Variants in AOPEP observed in about 807,000 individuals in gnomAD.
AOPEP encodes the protein aminopeptidase O.
In AOPEP, 77 loss-of-function variants were observed where a neutral mutation model predicts 98.1. That is an observed-to-expected ratio of 0.78 (90% CI 0.65 to 0.95). The LOEUF (loss-of-function observed/expected upper bound fraction) is 0.95, where lower values mean the gene tolerates loss of function less well. Ranked by LOEUF, AOPEP falls within the 40% of genes least tolerant of loss-of-function variation. The probability of loss-of-function intolerance (pLI) is 0.00; values close to 1 mark genes in which losing one functional copy is unlikely to be tolerated. For synonymous variants in AOPEP, 346 were observed against 365.3 expected, an observed-to-expected ratio of 0.95 and a Z score of 0.60; for missense variants, 1,024 against 1,024.7, an observed-to-expected ratio of 1.00 and a Z score of 0.01.
rs918230873 is a variant in AOPEP at position 95,087,146 on chromosome 9, ATT to A, written c.*478_*479del. Reference sequence around the variant, plus strand: ...GATATATTATTAATAAATGTAATGGATTTTTTTTTTGTATACGTGTTTGCTTC... The same window carrying A: ...GATATATTATTAATAAATGTAATGGATTTTTTTTGTATACGTGTTTGCTTC... On this transcript the variant is annotated 3_prime_UTR_variant, in exon 17 of 17. Transcript: ENST00000375315. 3 of 160,756 alleles carry A rather than the reference ATT, an allele frequency of 1.9e-5. No individual in the cohort carries two copies. The highest frequency in any genetic ancestry group is 7.3e-5 in the African/African-American group (3 of 41,008). The allele number at this position is 160,756 out of a possible 1,614,324, so 10.0% of individuals were successfully genotyped here.
intron 5 of AOPEP, among the ~76,000 whole-genome samples, chr9:94,830,025 A>C (rs916221316): frequency 6.6e-6 from 1 of 152,130 alleles, no homozygotes; most frequent in Admixed American, 6.6e-5. Context: ...TTTATTATTT[A>C]TTTATTTATG....
At chr9:95,058,993 C>T (rs1214835040) in intron 13 of AOPEP, among the ~76,000 whole-genome samples, 1 of 152,210 alleles carries the variant, frequency 6.6e-6, no homozygotes, top group Non-Finnish European at 1.5e-5. Flanking sequence ...CCCACATGCA[C>T]CCGGCAGTGT....
rs1285643372 is a variant in AOPEP, at chr9:94,930,788, A to T, written c.1661+2257A>T. On this transcript the variant is annotated intron_variant, in intron 7 of 16. Transcript: ENST00000375315. The surrounding 1 kb of genome is among the most constrained non-coding windows in gnomAD (Gnocchi z 4.5). ...CAGGCTGAAGTGGACAGGAGCATGGATGGGAAGTCAGGAAGCGGGGCTGGT... is the reference window on the plus strand; with the variant it reads ...CAGGCTGAAGTGGACAGGAGCATGGTTGGGAAGTCAGGAAGCGGGGCTGGT... Among the ~76,000 whole-genome samples the T allele has an allele frequency of 6.6e-6, 1 of 152,074 alleles. No individual in the cohort carries two copies. Among genetic ancestry groups the T allele is most frequent in the Non-Finnish European group, 1.5e-5 (1 of 67,998 alleles).
At chr9:94,777,748 C>T (rs937820361) in intron 3 of AOPEP, among the ~76,000 whole-genome samples, 4 of 149,324 alleles carry the variant, frequency 2.7e-5, no homozygotes, top group African/African-American at 5.0e-5. Context: ...ATTCTCTCAC[C>T]GAGCAGCTGG....
intron 5 of AOPEP, among the ~76,000 whole-genome samples, chr9:94,843,183 A>C (rs2134893293): frequency 6.6e-6 from 1 of 152,262 alleles, no homozygotes; most frequent in South Asian, 2.1e-4. Flanking sequence ...TCTCCCATCC[A>C]GATTCCTCCG....
chr9:95,150,162 C>A, the AOPEP span: 1 of 1,520,260 alleles, frequency 6.6e-7, no homozygotes, highest in South Asian at 1.2e-5. Context: ...AACCTTCATG[C>A]TAAAAAGGTC....
intron 13 of AOPEP, among the ~76,000 whole-genome samples, chr9:95,044,282 A>T (rs892752186): frequency 2.0e-5 from 3 of 151,768 alleles, no homozygotes; most frequent in African/African-American, 7.3e-5. Context: ...TATTTTCATC[A>T]TTTAGTTGCT....
At chr9:94,815,442 T>C (rs1286823192) in intron 5 of AOPEP, among the ~76,000 whole-genome samples, 2 of 152,212 alleles carry the variant, frequency 1.3e-5, no homozygotes, top group African/African-American at 2.4e-5. Context: ...ATATTCTTAG[T>C]TGCCATGTCA....
chr9:95,010,358 G>A (rs2062405939), intron 13 of AOPEP, among the ~76,000 whole-genome samples: 1 of 152,190 alleles, frequency 6.6e-6, no homozygotes, highest in Non-Finnish European at 1.5e-5. Flanking sequence ...AACAACAGAT[G>A]GTGACTGTGG....
intron 1 of AOPEP, among the ~76,000 whole-genome samples, chr9:94,755,348 C>T (rs1029347691): frequency 6.6e-6 from 1 of 152,198 alleles, no homozygotes; most frequent in Non-Finnish European, 1.5e-5. Context: ...CATTTGCAAC[C>T]ACAGGCAGTT....
chr9:94,810,272 G>A (rs921662470), intron 5 of AOPEP, among the ~76,000 whole-genome samples: 3 of 151,798 alleles, frequency 2.0e-5, no homozygotes, highest in African/African-American at 4.8e-5. Flanking sequence ...AGAATAACCC[G>A]CAGAATGTCT....
In AOPEP at chr9:94,908,878, T is replaced by C. The variant is rs574093148; in HGVS notation, c.1365-15108T>C. On this transcript the variant is annotated intron_variant, in intron 5 of 16. Coordinates refer to ENST00000375315, the MANE Select transcript of AOPEP (RefSeq NM_001193329.3). ...TGCTGCAAATCTCGTCACTGATAAA[T>C]AACAGACATGTTCATCTTATTCCAA... is the stretch of plus-strand genomic sequence containing the variant. Among the ~76,000 whole-genome samples, 4 of 152,342 alleles carry C rather than the reference T, an allele frequency of 2.6e-5. No individual in the cohort carries two copies. The South Asian group carries it at 8.3e-4, about 32-fold the overall frequency.
chr9:94,849,704 C>T (rs2043305154), intron 5 of AOPEP, among the ~76,000 whole-genome samples: 1 of 152,040 alleles, frequency 6.6e-6, no homozygotes, highest in African/African-American at 2.4e-5. Flanking sequence ...AGATCCCTCT[C>T]ATGCACAGTT....
intron 2 of AOPEP, among the ~76,000 whole-genome samples, chr9:94,770,477 G>A (rs944252413): frequency 1.3e-5 from 2 of 152,178 alleles, no homozygotes; most frequent in African/African-American, 4.8e-5. Context: ...GGTGTCTCAA[G>A]GTGTGCCAGG....
At chr9:94,779,999 G>C (rs532219960) in intron 3 of AOPEP, among the ~76,000 whole-genome samples, 50 of 152,198 alleles carry the variant, frequency 3.3e-4, no homozygotes, top group Non-Finnish European at 6.9e-4. Flanking sequence ...ATACAGATGG[G>C]AACTCTGAAA....
intron 5 of AOPEP, among the ~76,000 whole-genome samples, chr9:94,902,978 C>T (rs958849322): frequency 1.2e-5 from 1 of 80,394 alleles, no homozygotes; most frequent in East Asian, 3.1e-4. Flanking sequence ...CTCTTGAACC[C>T]GAAAGATTTT....
intron 14 of AOPEP, among the ~76,000 whole-genome samples, chr9:95,064,189 T>G (rs2067623221): frequency 6.6e-6 from 1 of 152,196 alleles, no homozygotes; most frequent in South Asian, 2.1e-4. Flanking sequence ...CCAGGTTGAT[T>G]GGAAATGGAA....
chr9:94,885,348 CAAAAAAAAAAAAAAAAAAAAAAAAAAAAA>C (rs71366268), intron 5 of AOPEP, among the ~76,000 whole-genome samples: 9 of 35,988 alleles, frequency 2.5e-4, no homozygotes, highest in East Asian at 1.3e-3. Flanking sequence ...GATCCTGTCT[CAAAAAAAAAAAAAAAAAAAAAAAAAAAAA>C]AAAAAAAAAA....
At chr9:95,120,042 T>TGA in the AOPEP span, among the ~76,000 whole-genome samples, 1 of 152,172 alleles carries the variant, frequency 6.6e-6, no homozygotes, top group African/African-American at 2.4e-5. Flanking sequence ...GAGGTCTAAT[T>TGA]TATCCATTTT....
Sources: allele counts gnomAD v4.1 joint callset (sites outside exome capture counted in the v4.1 genomes callset), GRCh38; gene constraint gnomAD v4.1.1; non-coding constraint Gnocchi (gnomAD v3.1); transcripts MANE v1.5; gene names NCBI Gene and HGNC (gene_info 2026-07-23, HGNC 2026-07-21).